The following HSF2BP variants were observed in gnomAD, a reference collection of about 807,000 sequenced individuals.
HSF2BP encodes heat shock transcription factor 2 binding protein, also known as heat shock factor 2-binding protein.
In HSF2BP, 35 loss-of-function variants were observed where a neutral mutation model predicts 35.0. The ratio of observed to expected loss-of-function variants is 1.00; its 90% CI spans 0.76 to 1.32. The LOEUF (loss-of-function observed/expected upper bound fraction) is 1.32, where lower values mean the gene tolerates loss of function less well. Among genes scored for constraint, HSF2BP ranks in the 40% most tolerant of loss-of-function variants. The pLI, the probability that HSF2BP is intolerant of heterozygous loss-of-function variation, is 0.00. For synonymous variants in HSF2BP, 114 were observed against 117.4 expected (o/e 0.97, Z 0.18); for missense variants, 326 against 321.7 (o/e 1.01, Z -0.10).
At chr21:43,619,163 T>C (rs1436134641) in intron 6 of HSF2BP, among the ~76,000 whole-genome samples, 1 of 152,118 alleles carries the variant, frequency 6.6e-6, no homozygotes, top group East Asian at 1.9e-4. Flanking sequence ...CTTTTATATA[T>C]GCTGGGAAAC....
intron 8 of HSF2BP, among the ~76,000 whole-genome samples, chr21:43,576,302 T>G (rs2081643648): frequency 6.6e-6 from 1 of 152,158 alleles, no homozygotes; most frequent in African/African-American, 2.4e-5. Context: ...AGCCTTAAAC[T>G]TGTCTATAAA....
Position 43,612,660 on chromosome 21 carries a change from A to T in HSF2BP, c.692+1170T>A, listed in dbSNP as rs1175252814. 2.0e-5 allele frequency among the ~76,000 whole-genome samples: 3 copies of T among 150,134 alleles called. No individual in the cohort carries two copies. The East Asian group carries it at 5.8e-4, about 29-fold the overall frequency. ...AGCAAGACTCCGTCTCAAAAAAAAAAAAAAAAAAAAAAGTGCTCCACAGCA... is the reference window on the plus strand; with the variant it reads ...AGCAAGACTCCGTCTCAAAAAAAAATAAAAAAAAAAAAGTGCTCCACAGCA... On this transcript the variant is annotated intron_variant, in intron 7 of 8. Coordinates refer to ENST00000291560, the MANE Select transcript of HSF2BP (RefSeq NM_007031.2).
At chr21:43,646,705 G>C (rs1006204460) in intron 3 of HSF2BP, among the ~76,000 whole-genome samples, 4 of 152,160 alleles carry the variant, frequency 2.6e-5, no homozygotes, top group African/African-American at 9.7e-5. Context: ...ATACCAAAGG[G>C]ACAGGGTTAA....
intron 6 of HSF2BP, among the ~76,000 whole-genome samples, chr21:43,622,656 T>C (rs79868868): frequency 0.025 from 3,755 of 152,260 alleles, 48 homozygotes; most frequent in Middle Eastern, 0.065. Context: ...AACACAGCAT[T>C]ATCCAAGTAT....
chr21:43,658,844 G>A (rs771644957), intron 1 of HSF2BP, among the ~76,000 whole-genome samples: 7 of 152,206 alleles, frequency 4.6e-5, no homozygotes, highest in Non-Finnish European at 8.8e-5. Flanking sequence ...GGCACTGGAG[G>A]AAGGCGAGCC....
chr21:43,628,877 G>C (rs1568925356), intron 6 of HSF2BP, among the ~76,000 whole-genome samples: 2 of 152,148 alleles, frequency 1.3e-5, no homozygotes, highest in Admixed American at 1.3e-4. Flanking sequence ...ATCTACTCTT[G>C]CCTATGCTCT....
chr21:43,604,239 TCACCACTCACACACATCACACATACCACA>T (rs1282605979), intron 7 of HSF2BP, among the ~76,000 whole-genome samples: 1,823 of 114,416 alleles, frequency 0.016, 30 homozygotes, highest in African/African-American at 0.056. Context: ...CACACACCAC[TCACCACTCACACACATCACACATACCACA>T]CACCACTCAC....
chr21:43,587,781 G>A (rs1405262228), intron 8 of HSF2BP, among the ~76,000 whole-genome samples: 6 of 151,810 alleles, frequency 4.0e-5, no homozygotes, highest in Non-Finnish European at 7.4e-5. Context: ...AGCTTAAGCA[G>A]GAAAAGTCCA....
Position 43,613,913 on chromosome 21 carries a change from C to G in HSF2BP, c.609G>C (p.Leu203Phe), listed in dbSNP as rs372621055. Residue 203 changes from leucine (L) to phenylalanine (F), a missense_variant, in exon 7 of 9, where the codon TTG becomes TTC. By Grantham distance (22) the Leu-to-Phe change is conservative. Transcript: ENST00000291560. ...VAAIACGREF[L>F]VNSSRVLLDT... ...CCAAGAGCACCCGGCTTGAATTAACCAAGAATTCACGACCACATGCTATAG... is the reference window on the plus strand; with the variant it reads ...CCAAGAGCACCCGGCTTGAATTAACGAAGAATTCACGACCACATGCTATAG... 1.9e-5 allele frequency: 30 copies of G among 1,609,590 alleles called. No individual in the cohort carries two copies. Among genetic ancestry groups the G allele is most frequent in the Admixed American group, 3.4e-5 (2 of 58,540 alleles).
intron 3 of HSF2BP, among the ~76,000 whole-genome samples, chr21:43,650,098 C>A (rs1410398460): frequency 6.6e-6 from 1 of 152,234 alleles, no homozygotes; most frequent in Admixed American, 6.5e-5. Flanking sequence ...GCACCACCTT[C>A]ATTGTACTTA....
At chr21:43,650,541 G>GT (rs1440733729) in intron 3 of HSF2BP, among the ~76,000 whole-genome samples, 1 of 151,872 alleles carries the variant, frequency 6.6e-6, no homozygotes, top group African/African-American at 2.4e-5. Context: ...GATTTTCCTA[G>GT]TTTTAAACAA....
At chr21:43,655,187 C>T (rs1049130758) in intron 3 of HSF2BP, among the ~76,000 whole-genome samples, 3 of 152,206 alleles carry the variant, frequency 2.0e-5, no homozygotes, top group Non-Finnish European at 2.9e-5. Flanking sequence ...GGCTGCCATA[C>T]GCTGCTACTG....
At position 43,597,752 on chromosome 21, in the gene HSF2BP, G is replaced by A. The variant is rs912605547; in HGVS notation, c.693-5424C>T. ...GGCTGGTCTTGAATTCTCGGCCTCAGGCAATTTTCCCACGTCGGCCTCCCA... is the reference window on the plus strand; with the variant it reads ...GGCTGGTCTTGAATTCTCGGCCTCAAGCAATTTTCCCACGTCGGCCTCCCA... On this transcript the variant is annotated intron_variant, in intron 7 of 8. Transcript: ENST00000291560. The surrounding 1 kb of genome is among the most constrained non-coding windows in gnomAD (Gnocchi z 4.3). Among the ~76,000 whole-genome samples the A allele has an allele frequency of 1.3e-5, 2 of 152,152 alleles. No homozygotes were observed. Among genetic ancestry groups the A allele is most frequent in the African/African-American group, 4.8e-5 (2 of 41,412 alleles).
chr21:43,604,837 C>CCA (rs1023790340), intron 7 of HSF2BP, among the ~76,000 whole-genome samples: 2 of 131,540 alleles, frequency 1.5e-5, no homozygotes, highest in Non-Finnish European at 3.3e-5. Context: ...ACCACACACA[C>CCA]CACACATCAC....
At chr21:43,575,925 C>T (rs527640037) in intron 8 of HSF2BP, among the ~76,000 whole-genome samples, 6 of 152,280 alleles carry the variant, frequency 3.9e-5, no homozygotes, top group African/African-American at 1.4e-4. Context: ...TGAGATCAGC[C>T]TGGCCAACAT....
At chr21:43,644,233 G>A in intron 4 of HSF2BP, 56 bp downstream of exon 4, 2 of 1,293,104 alleles carry the variant, frequency 1.5e-6, no homozygotes, top group Non-Finnish European at 1.1e-6. Context: ...TAAGTGAAAG[G>A]CTGTAAGCCA....
Position 43,654,937 on chromosome 21 carries a change from G to C in HSF2BP, c.187+1650C>G, listed in dbSNP as rs533238763. Among the ~76,000 whole-genome samples, 54 of 152,324 alleles carry C rather than the reference G, an allele frequency of 3.5e-4. No homozygotes were observed. In the South Asian group the frequency reaches 8.7e-3, roughly 25 times the overall value. On this transcript the variant is annotated intron_variant, in intron 3 of 8. Transcript: ENST00000291560. Reference sequence around the variant, plus strand: ...AAAGGGGAATAAGCAGGAATTGCCAGAGAGACTATGGGGAAAAAGGTGACT... The same window carrying C: ...AAAGGGGAATAAGCAGGAATTGCCACAGAGACTATGGGGAAAAAGGTGACT...
chr21:43,581,998 G>C (rs1253592298), intron 8 of HSF2BP, among the ~76,000 whole-genome samples: 2 of 140,318 alleles, frequency 1.4e-5, no homozygotes, highest in Non-Finnish European at 3.1e-5. Context: ...CCTGCTGTGG[G>C]AGATGAGTGC....
intron 6 of HSF2BP, among the ~76,000 whole-genome samples, chr21:43,625,580 C>T (rs959567097): frequency 4.6e-5 from 7 of 151,878 alleles, no homozygotes; most frequent in African/African-American, 1.7e-4. Flanking sequence ...AGAATGAATT[C>T]ACTGTATGTA....
Sources: allele counts gnomAD v4.1 joint callset (sites outside exome capture counted in the v4.1 genomes callset), GRCh38; gene constraint gnomAD v4.1.1; non-coding constraint Gnocchi (gnomAD v3.1); transcripts MANE v1.5; gene names NCBI Gene and HGNC (gene_info 2026-07-23, HGNC 2026-07-21).